The following GGT5 variants were observed in gnomAD, a reference collection of about 807,000 sequenced individuals.
GGT5 encodes the protein gamma-glutamyltransferase 5, also known as glutathione hydrolase 5 proenzyme.
A neutral mutation model predicts 58.1 loss-of-function variants in GGT5; 50 were observed. That is an observed-to-expected ratio of 0.86 (90% confidence interval 0.69 to 1.09). The LOEUF is 1.09. Ranked by LOEUF, GGT5 falls within the 50% of genes least tolerant of loss-of-function variation. The pLI, the probability that GGT5 is intolerant of heterozygous loss-of-function variation, is 0.00. For missense variants in GGT5, 800 were observed against 789.4 expected, an observed-to-expected ratio of 1.01 and a Z score of -0.16; for synonymous variants, 370 against 346.1, an observed-to-expected ratio of 1.07 and a Z score of -0.77.
intron 5 of GGT5, 72 bp from the exon 6 acceptor site, chr22:24,231,602 G>A (rs1601401605): frequency 1.4e-6 from 2 of 1,445,504 alleles, no homozygotes; most frequent in East Asian, 2.5e-5. Context: ...ACTGCTGTCA[G>A]GTCACACAAT....
chr22:24,234,364 C>T (rs1027457245), intron 1 of GGT5, among the ~76,000 whole-genome samples: 1 of 152,222 alleles, frequency 6.6e-6, no homozygotes, highest in Non-Finnish European at 1.5e-5. Context: ...CTCAGGAGCC[C>T]ACCCTGGGAC....
chr22:24,232,568 A>G (rs929980016), intron 4 of GGT5, among the ~76,000 whole-genome samples: 2 of 152,120 alleles, frequency 1.3e-5, no homozygotes, highest in African/African-American at 4.8e-5. Flanking sequence ...CCGGGGCCCC[A>G]GGGCGGGTGG....
At chr22:24,224,233 G>A (rs927695970) in intron 11 of GGT5, among the ~76,000 whole-genome samples, 2 of 152,040 alleles carry the variant, frequency 1.3e-5, no homozygotes, top group Non-Finnish European at 1.5e-5. Flanking sequence ...TTGTAGGCTG[G>A]GCATGGTGGC....
chr22:24,228,398 C>CTG (rs1271729570), intron 6 of GGT5, among the ~76,000 whole-genome samples: 1 of 151,486 alleles, frequency 6.6e-6, no homozygotes, highest in African/African-American at 2.4e-5. Flanking sequence ...TGTCCAGTGC[C>CTG]ACCCTTATCA....
In GGT5 at chr22:24,228,063, A is replaced by AC. The variant is rs1415789132; in HGVS notation, c.902-1297_902-1296insG. 6.3e-5 allele frequency among the ~76,000 whole-genome samples: 7 copies of AC among 111,068 alleles called. 1 individual carries two copies. The East Asian group carries it at 6.9e-4, about 11-fold the overall frequency. 72.9% of individuals were successfully genotyped at this position (111,068 alleles called of 152,430 possible). On this transcript the variant is annotated intron_variant, in intron 6 of 11. Coordinates refer to ENST00000327365, the MANE Select transcript of GGT5 (RefSeq NM_004121.5). ...GACTCTGTCTCAAAAAAAAAAAAAAAAAACAAAACAAAAAAAAAAAAACTC... is the reference window on the plus strand; with the variant it reads ...GACTCTGTCTCAAAAAAAAAAAAAAACAAACAAAACAAAAAAAAAAAAACTC...
Position 24,232,050 on chromosome 22 carries a change from C to A in GGT5, c.754+1G>T. The A allele has an allele frequency of 6.2e-7, 1 of 1,612,448 alleles. No individual in the cohort carries two copies. Among genetic ancestry groups the A allele is most frequent in the Non-Finnish European group, 8.5e-7 (1 of 1,178,838 alleles). The stretch of plus-strand genomic sequence containing the variant: ...GGGTATGGAACCTCAGGGAGGCTGA[C>A]CTTCCTTGGCAATGTCCTCCACCAG... On this transcript the variant is annotated splice_donor_variant, in intron 5 of 11. Coordinates refer to ENST00000327365, the MANE Select transcript of GGT5 (RefSeq NM_004121.5). LOFTEE classifies it high-confidence loss of function.
At chr22:24,243,474 A>T (rs2048378956) in intron 1 of GGT5, 1 of 152,344 alleles carries the variant, frequency 6.6e-6, no homozygotes, top group African/African-American at 2.4e-5. Flanking sequence ...AATGGAGGGA[A>T]GAAGGAATGA....
chr22:24,228,255 T>C (rs2047835609), intron 6 of GGT5, among the ~76,000 whole-genome samples: 1 of 150,866 alleles, frequency 6.6e-6, no homozygotes, highest in Admixed American at 6.6e-5. Context: ...GCCTTGACAG[T>C]GCCACTGCAC....
Position 24,244,310 on chromosome 22 carries a change from C to CAA in GGT5, c.173+242_173+243insTT. 6.0e-6 allele frequency: 3 copies of CAA among 498,810 alleles called. No individual in the cohort carries two copies. In the South Asian group the frequency reaches 7.3e-5, roughly 12 times the overall value. The allele number at this position is 498,810 out of a possible 1,614,324, so 30.9% of individuals were successfully genotyped here. ...CAGTGCACGTGCACACACACACACA[C>CAA]ACACACCCACCCACACATACACATA... On this transcript the variant is annotated intron_variant, in intron 1 of 11. Transcript: ENST00000327365.
At chr22:24,234,470 T>C (rs1021736386) in intron 1 of GGT5, among the ~76,000 whole-genome samples, 1 of 152,154 alleles carries the variant, frequency 6.6e-6, no homozygotes, top group Admixed American at 6.6e-5. Flanking sequence ...CAGCAGGGCA[T>C]AGGGCTTGAG....
In GGT5 at chr22:24,233,317, C is replaced by T. The variant is rs183476486; in HGVS notation, c.400+181G>A. Among the ~76,000 whole-genome samples the T allele has an allele frequency of 1.9e-3, 287 of 152,318 alleles. 1 individual carries two copies. Among genetic ancestry groups the T allele is most frequent in the African/African-American group, 6.7e-3 (279 of 41,566 alleles). ...TCTCCCTGGATCACCTCAGAGAGCC[C>T]GTTCCCAAGGGGGACCTTCTCAATC... On this transcript the variant is annotated intron_variant, in intron 3 of 11. Coordinates refer to ENST00000327365, the MANE Select transcript of GGT5 (RefSeq NM_004121.5).
intron 5 of GGT5, 93 bp downstream of exon 5, chr22:24,231,958 G>A (rs1601402581): frequency 1.8e-6 from 2 of 1,092,524 alleles, no homozygotes; most frequent in Non-Finnish European, 2.7e-6. Flanking sequence ...CACTCCCTCA[G>A]GGCCTGGGAA....
At chr22:24,240,605 C>G (rs1266422426) in intron 1 of GGT5, among the ~76,000 whole-genome samples, 1 of 151,942 alleles carries the variant, frequency 6.6e-6, no homozygotes, top group Non-Finnish European at 1.5e-5. Flanking sequence ...TCTCCCCGCT[C>G]AGCCTCCCAA....
At position 24,244,972 on chromosome 22, in the gene GGT5, G is replaced by T. The variant is rs865986220; in HGVS notation, c.-247C>A. 2.1e-5 allele frequency: 13 copies of T among 605,226 alleles called. No homozygotes were observed. The highest frequency in any genetic ancestry group is 3.1e-5 in the Non-Finnish European group (11 of 358,354). The allele number at this position is 605,226 out of a possible 1,614,324, so 37.5% of individuals were successfully genotyped here. ...AGATGGGCTTACAGATGGGCGGACA[G>T]ACAGACAGGTCTGAACAGCGGGCTG... On this transcript the variant is annotated 5_prime_UTR_variant, in exon 1 of 12. It adds an upstream start codon to the 5' untranslated region. Transcript: ENST00000327365.
chr22:24,226,594 G>A (rs1319898712), intron 7 of GGT5, 37 bp downstream of exon 7: 4 of 1,609,496 alleles, frequency 2.5e-6, no homozygotes, highest in Non-Finnish European at 2.5e-6. Flanking sequence ...CCAGGGAGGA[G>A]GACGGCCCAC....
intron 1 of GGT5, among the ~76,000 whole-genome samples, chr22:24,237,970 G>T (rs2048147577): frequency 6.6e-6 from 1 of 152,124 alleles, no homozygotes; most frequent in African/African-American, 2.4e-5. Context: ...GCTCACGCCT[G>T]TAATCCCATC....
At chr22:24,233,662 A>T in intron 2 of GGT5, 69 bp from the exon 3 acceptor site, 1 of 945,536 alleles carries the variant, frequency 1.1e-6, no homozygotes. Flanking sequence ...TCTAGGCCTC[A>T]GTTTCCATCT....
chr22:24,239,178 A>G (rs544992058), intron 1 of GGT5, among the ~76,000 whole-genome samples: 1 of 149,632 alleles, frequency 6.7e-6, no homozygotes, highest in East Asian at 2.0e-4. Context: ...CTCTACTAAA[A>G]AATACAAAAA....
In GGT5 at chr22:24,231,487, C is replaced by T; in HGVS notation, c.798G>A (p.Glu266=). ...GGGGCACCTCCAGGGCATCCACCAC[C>T]TCGGGCTGGAACTTGGCCAGGTCCT... ...TLQDLAKFQP[E]VVDALEVPLG... Residue 266 remains glutamate (E), a synonymous_variant, in exon 6 of 12, where the codon GAG becomes GAA. Transcript: ENST00000327365. 6.3e-7 allele frequency: 1 copy of T among 1,584,466 alleles called. No homozygotes were observed. The highest frequency in any genetic ancestry group is 8.6e-7 in the Non-Finnish European group (1 of 1,165,154).
Sources: gnomAD v4.1 joint callset for allele counts (sites outside exome capture counted in the v4.1 genomes callset) on GRCh38, gnomAD v4.1.1 for gene constraint, MANE v1.5 for transcripts, NCBI Gene and HGNC (gene_info 2026-07-23, HGNC 2026-07-21) for gene names.